Variants in RPS3A observed in about 807,000 individuals in gnomAD.
RPS3A encodes small ribosomal subunit protein eS1.
A neutral mutation model predicts 26.4 loss-of-function variants in RPS3A; 1 was observed. That is an observed-to-expected ratio of 0.04 (90% confidence interval 0.01 to 0.18). The LOEUF is 0.18. Ranked by LOEUF, RPS3A falls within the 10% of genes least tolerant of loss-of-function variation. The pLI, the probability that RPS3A is intolerant of heterozygous loss-of-function variation, is 1.00. For synonymous variants in RPS3A, 97 were observed against 106.1 expected (o/e 0.91, Z 0.53); for missense variants, 139 against 326.8 (o/e 0.43, Z 4.43).
chr4:151,104,452 T>TTTC lies in RPS3A; in HGVS notation c.674-18_674-17insCTT. On this transcript the variant is annotated intron_variant, in intron 5 of 5. Coordinates refer to ENST00000274065, the MANE Select transcript of RPS3A (RefSeq NM_001006.5). Reference sequence around the variant, plus strand: ...AACAGTTTTTTGGTTTTTTTTTTTTTTTTTTTTTTTGCCTTTTAGTGGGAA... The same window carrying TTTC: ...AACAGTTTTTTGGTTTTTTTTTTTTTTTCTTTTTTTTTTGCCTTTTAGTGGGAA... 8 of 1,405,390 alleles carry TTTC rather than the reference T, an allele frequency of 5.7e-6. No individual in the cohort carries two copies. Among genetic ancestry groups the TTTC allele is most frequent in the Non-Finnish European group, 7.4e-6 (8 of 1,083,894 alleles). The allele number at this position is 1,405,390 out of a possible 1,614,324, so 87.1% of individuals were successfully genotyped here. A position where few individuals can be genotyped will look rare whatever the true frequency, so the allele number is the denominator to read the frequency against.
intron 3 of RPS3A, 161 bp from the exon 4 acceptor site, chr4:151,102,710 T>A: frequency 1.1e-6 from 1 of 886,232 alleles, no homozygotes; most frequent in African/African-American, 1.7e-5. Context: ...CTTGGTAAGT[T>A]CAAGGAAGTT....
At chr4:151,103,738 A>C in intron 4 of RPS3A, 1 of 1,152,770 alleles carries the variant, frequency 8.7e-7, no homozygotes, top group South Asian at 1.6e-5. Flanking sequence ...CCTGTCCCAA[A>C]AAATAAAAAA....
chr4:151,103,992 C>G, intron 4 of RPS3A, 185 bp from the exon 5 acceptor site: 1 of 1,513,166 alleles, frequency 6.6e-7, no homozygotes, highest in Admixed American at 2.2e-5. Flanking sequence ...CTATGTAATT[C>G]AGATCATCTA....
At chr4:151,100,203 G>T (rs898734811) in intron 1 of RPS3A, among the ~76,000 whole-genome samples, 1 of 152,198 alleles carries the variant, frequency 6.6e-6, no homozygotes, top group Non-Finnish European at 1.5e-5. Flanking sequence ...ACTCGTGCCT[G>T]TGTAGTGGAA....
At chr4:151,102,842 T>C in intron 3 of RPS3A, 29 bp from the exon 4 acceptor site, 1 of 1,599,568 alleles carries the variant, frequency 6.3e-7, no homozygotes, top group Non-Finnish European at 8.5e-7. Context: ...GTAAAACCTG[T>C]TAAATCTGAC....
At chr4:151,103,640 G>C (rs1179701321) in intron 4 of RPS3A, 23 of 1,075,108 alleles carry the variant, frequency 2.1e-5, no homozygotes, top group Non-Finnish European at 2.5e-5. Context: ...GGTGGGATGT[G>C]CCTGGAGTCC....
At chr4:151,099,849 A>G in intron 1 of RPS3A, 135 bp downstream of exon 1, 2 of 931,628 alleles carry the variant, frequency 2.1e-6, no homozygotes, top group African/African-American at 1.6e-5. Flanking sequence ...TGGTGCACCC[A>G]GGAACGCGGC....
chr4:151,104,533 G>A lies in RPS3A; in HGVS notation c.735G>A (p.Glu245=), dbSNP rs767557499. The A allele has an allele frequency of 6.4e-7, 1 of 1,570,204 alleles. No individual in the cohort carries two copies. The highest frequency in any genetic ancestry group is 2.3e-5 in the East Asian group (1 of 43,808). The change falls in exon 6 of 6, where the codon GAG becomes GAA. Residue 245 remains glutamate, a synonymous_variant. Coordinates refer to ENST00000274065, the MANE Select transcript of RPS3A (RefSeq NM_001006.5). The part of the protein sequence containing the change: ...GSSSGKATGD[E]TGAKVERADG... ...GTTCTGGAAAAGCCACTGGGGACGAGACAGGTGCTAAAGTTGAACGAGCTG... is the reference window on the plus strand; with the variant it reads ...GTTCTGGAAAAGCCACTGGGGACGAAACAGGTGCTAAAGTTGAACGAGCTG...
chr4:151,103,038 A>G lies in RPS3A; in HGVS notation c.522A>G (p.Arg174=), dbSNP rs1314744361. 1 of 1,600,254 alleles carries G rather than the reference A, an allele frequency of 6.2e-7. No individual in the cohort carries two copies. Among genetic ancestry groups the G allele is most frequent in the East Asian group, 2.2e-5 (1 of 44,852 alleles). The change falls in exon 4 of 6, where the codon CGA becomes CGG. Residue 174 remains arginine, a synonymous_variant. Transcript: ENST00000274065. The stretch of plus-strand genomic sequence containing the variant: ...AGAAGATGATGGAAATCATGACCCG[A>G]GAGGTGCAGACAAATGACTTGAAAG... ...IRKKMMEIMT[R]EVQTNDLKEV...
intron 1 of RPS3A, 88 bp downstream of exon 1, chr4:151,099,802 C>T: frequency 7.3e-7 from 1 of 1,377,120 alleles, no homozygotes; most frequent in South Asian, 1.2e-5. Flanking sequence ...GGCCGGATGG[C>T]GAGGATTCCA....
Position 151,104,251 on chromosome 4 carries a change from G to T in RPS3A, c.638G>T (p.Arg213Ile). The T allele has an allele frequency of 6.2e-7, 1 of 1,613,448 alleles. No homozygotes were observed. Among genetic ancestry groups the T allele is most frequent in the Non-Finnish European group, 8.5e-7 (1 of 1,179,862 alleles). ...TATCCTCTCCATGATGTCTTCGTTA[G>T]AAAAGTAAAAATGCTGAAGAAGCCC... Reference protein sequence around the residue: ...SIYPLHDVFVRKVKMLKKPKF... With the variant: ...SIYPLHDVFVIKVKMLKKPKF... The change falls in exon 5 of 6, where the codon AGA becomes ATA. Residue 213 changes from arginine (R) to isoleucine (I), a missense_variant. This residue lies in a region of RPS3A where 96 missense variants were observed against 209.8 expected (regional missense o/e 0.46). Coordinates refer to ENST00000274065, the MANE Select transcript of RPS3A (RefSeq NM_001006.5).
Position 151,099,667 on chromosome 4 carries a change from G to A in RPS3A, c.15G>A (p.Lys5=), listed in dbSNP as rs750762563. 48 of 1,613,930 alleles carry A rather than the reference G, an allele frequency of 3.0e-5. No homozygotes were observed. The African/African-American group carries it at 4.7e-4, about 16-fold the overall frequency. ...TGACCAGCACCATGGCGGTTGGCAA[G>A]AACAAGCGCCTTACGAAAGGCGGCA... MAVG[K]NKRLTKGGKK... is the part of the protein sequence containing the mutation. The change falls in exon 1 of 6, where the codon AAG becomes AAA. Residue 5 remains lysine, a synonymous_variant. Coordinates refer to ENST00000274065, the MANE Select transcript of RPS3A (RefSeq NM_001006.5).
intron 4 of RPS3A, chr4:151,103,859 G>A (rs1747241934): frequency 2.8e-6 from 4 of 1,406,504 alleles, no homozygotes; most frequent in Admixed American, 1.8e-5. Flanking sequence ...GGTCCCAGAT[G>A]ATGGCCAGTG....
intron 4 of RPS3A, chr4:151,103,937 TAAGGCTTGGACTCAG>T (rs1483805947): frequency 6.6e-7 from 1 of 1,520,282 alleles, no homozygotes; most frequent in Non-Finnish European, 8.9e-7. Flanking sequence ...GGAAAAAGCA[TAAGGCTTGGACTCAG>T]AAGACTCTAC....
intron 4 of RPS3A, chr4:151,103,517 AAC>A: frequency 1.9e-6 from 2 of 1,031,376 alleles, no homozygotes; most frequent in South Asian, 6.6e-5. Context: ...TCTAAATGAT[AAC>A]AGTTTTTTCG....
At position 151,103,011 on chromosome 4, in the gene RPS3A, G is replaced by C. The variant is rs1437076181; in HGVS notation, c.495G>C (p.Arg165=). ...YAQHQQVRQI[R]KKMMEIMTRE... ...AGCACCAACAGGTCCGCCAAATCCG[G>C]AAGAAGATGATGGAAATCATGACCC... Residue 165 remains arginine, a synonymous_variant, in exon 4 of 6, where the codon CGG becomes CGC. Transcript: ENST00000274065. 6.2e-7 allele frequency: 1 copy of C among 1,601,642 alleles called. No homozygotes were observed. Among genetic ancestry groups the C allele is most frequent in the Non-Finnish European group, 8.5e-7 (1 of 1,179,724 alleles).
chr4:151,103,455 C>T, intron 4 of RPS3A: 2 of 936,794 alleles, frequency 2.1e-6, no homozygotes, highest in Non-Finnish European at 2.6e-6. Flanking sequence ...GGGGTTTCAT[C>T]ATGTTGGCCA....
intron 3 of RPS3A, chr4:151,102,623 T>A (rs1747178302): frequency 2.1e-6 from 1 of 482,784 alleles, no homozygotes; most frequent in Non-Finnish European, 3.8e-6. Context: ...AGTGGTAGTG[T>A]TAATGGAGGG....
Position 151,104,624 on chromosome 4 carries a change from A to C in RPS3A, c.*31A>C, listed in dbSNP as rs754916385. 6.4e-7 allele frequency: 1 copy of C among 1,567,012 alleles called. No individual in the cohort carries two copies. The highest frequency in any genetic ancestry group is 8.5e-7 in the Non-Finnish European group (1 of 1,171,628). On this transcript the variant is annotated 3_prime_UTR_variant, in exon 6 of 6. Coordinates refer to ENST00000274065, the MANE Select transcript of RPS3A (RefSeq NM_001006.5). Reference sequence around the variant, plus strand: ...AGACTTCAAATAGTGGCAAATAAAAAGTGCTATTTGTGATGGTTTGCTTCT... The same window carrying C: ...AGACTTCAAATAGTGGCAAATAAAACGTGCTATTTGTGATGGTTTGCTTCT...
Sources: gnomAD v4.1 joint callset for allele counts (sites outside exome capture counted in the v4.1 genomes callset) on GRCh38, gnomAD v4.1.1 for gene constraint, gnomAD v4.1.1 regional missense constraint, MANE v1.5 for transcripts, NCBI Gene and HGNC (gene_info 2026-07-23, HGNC 2026-07-21) for gene names.